The following CDH9 variants were observed in gnomAD, a reference collection of about 807,000 sequenced individuals.
CDH9 encodes cadherin-9.
A neutral mutation model predicts 70.9 loss-of-function variants in CDH9; 28 were observed. The observed-to-expected ratio is 0.40, with a 90% confidence interval of 0.29 to 0.54. The LOEUF (loss-of-function observed/expected upper bound fraction) is 0.54, where lower values mean the gene tolerates loss of function less well. CDH9 is among the 20% of genes least tolerant of loss of function. CDH9 has a pLI of 0.59. For missense variants in CDH9, 874 were observed against 984.4 expected (o/e 0.89, Z 1.50); for synonymous variants, 409 against 343.1 (o/e 1.19, Z -2.12).
At chr5:26,887,745 G>A (rs940818572) in intron 9 of CDH9, among the ~76,000 whole-genome samples, 3 of 152,056 alleles carry the variant, frequency 2.0e-5, no homozygotes, top group African/African-American at 7.2e-5. Context: ...CTAATTCGAT[G>A]ACTGGAGTCC....
intron 2 of CDH9, among the ~76,000 whole-genome samples, chr5:26,954,947 A>G (rs1741919117): frequency 6.6e-6 from 1 of 152,090 alleles, no homozygotes. Context: ...AGGTGGGAGG[A>G]CTGCTTCAGC....
chr5:26,903,956 A>C lies in CDH9; in HGVS notation c.812-132T>G, dbSNP rs940071431. On this transcript the variant is annotated intron_variant, in intron 5 of 11. Transcript: ENST00000231021. ...TTATCATATTGAATTGTAAGCTGTC[A>C]AAATTGTATATTTATTAATTTGGAA... 5.4e-6 allele frequency: 3 copies of C among 556,170 alleles called. No individual in the cohort carries two copies. The African/African-American group carries it at 6.0e-5, about 11-fold the overall frequency. 34.5% of individuals were successfully genotyped at this position (556,170 alleles called of 1,614,324 possible). A position where few individuals can be genotyped will look rare whatever the true frequency, so the allele number is the denominator to read the frequency against.
intron 2 of CDH9, among the ~76,000 whole-genome samples, chr5:26,916,545 A>G (rs780447370): frequency 5.9e-5 from 9 of 152,014 alleles, no homozygotes; most frequent in African/African-American, 2.4e-5. Flanking sequence ...AATAAGTGAT[A>G]AGCAACAATA....
At chr5:26,893,615 G>A (rs557243827) in intron 7 of CDH9, among the ~76,000 whole-genome samples, 2 of 151,996 alleles carry the variant, frequency 1.3e-5, no homozygotes, top group East Asian at 1.9e-4. Context: ...AAGTCCTAAG[G>A]CTATAAAGGA....
At chr5:27,021,670 T>G in intron 1 of CDH9, among the ~76,000 whole-genome samples, 1 of 151,936 alleles carries the variant, frequency 6.6e-6, no homozygotes, top group East Asian at 1.9e-4. Flanking sequence ...ATGCTAATTA[T>G]GTGTGGTTTA....
chr5:26,965,036 C>T (rs1029609609), intron 2 of CDH9, among the ~76,000 whole-genome samples: 2 of 152,084 alleles, frequency 1.3e-5, no homozygotes, highest in Admixed American at 1.3e-4. Flanking sequence ...GTGGTAAAAA[C>T]TTCCAACTAC....
intron 2 of CDH9, among the ~76,000 whole-genome samples, chr5:26,925,607 G>T (rs1741323216): frequency 6.6e-6 from 1 of 152,078 alleles, no homozygotes; most frequent in African/African-American, 2.4e-5. Context: ...TGATGTTTTA[G>T]TCCTGAAGTC....
intron 2 of CDH9, among the ~76,000 whole-genome samples, chr5:26,917,109 A>C (rs1741163623): frequency 1.3e-5 from 2 of 152,044 alleles, no homozygotes; most frequent in South Asian, 4.1e-4. Context: ...CACGATTCTG[A>C]AAATAATTTT....
intron 1 of CDH9, among the ~76,000 whole-genome samples, chr5:27,016,240 C>G (rs1743043919): frequency 6.6e-6 from 1 of 151,692 alleles, no homozygotes; most frequent in Non-Finnish European, 1.5e-5. Context: ...GATATAATGT[C>G]AAGTATAAGT....
intron 1 of CDH9, among the ~76,000 whole-genome samples, chr5:27,009,372 T>A (rs1410771607): frequency 6.6e-6 from 1 of 152,022 alleles, no homozygotes; most frequent in Admixed American, 6.6e-5. Flanking sequence ...GACACAGAGG[T>A]AGTGTAAACA....
rs1378345272 is a variant in CDH9 at position 26,881,547 on chromosome 5, C to T, written c.1959G>A (p.Arg653=). ...CATCGTTGTAGGTCACAATGTTGTCCCGGACATCGTCTTTTGAAATTATCA... is the reference window on the plus strand; with the variant it reads ...CATCGTTGTAGGTCACAATGTTGTCTCGGACATCGTCTTTTGAAATTATCA... ...EPLIISKDDV[R]DNIVTYNDEG... is the part of the protein sequence containing the mutation. The change falls in exon 12 of 12, where the codon CGG becomes CGA. Residue 653 remains arginine (R), a synonymous_variant. Coordinates refer to ENST00000231021, the MANE Select transcript of CDH9 (RefSeq NM_016279.4). 1 of 1,613,594 alleles carries T rather than the reference C, an allele frequency of 6.2e-7. No individual in the cohort carries two copies. The highest frequency in any genetic ancestry group is 1.1e-5 in the South Asian group (1 of 91,078).
At chr5:26,928,594 T>C (rs1023895974) in intron 2 of CDH9, among the ~76,000 whole-genome samples, 3 of 152,060 alleles carry the variant, frequency 2.0e-5, no homozygotes, top group African/African-American at 4.8e-5. Context: ...CTTCAAATTA[T>C]ACCACGGAGT....
At chr5:26,908,874 G>T (rs1278010554) in intron 3 of CDH9, among the ~76,000 whole-genome samples, 1 of 152,134 alleles carries the variant, frequency 6.6e-6, no homozygotes, top group Admixed American at 6.6e-5. Context: ...CTGAGAGACA[G>T]TGTGTTAGAT....
chr5:26,949,717 C>T lies in CDH9; in HGVS notation c.229-33793G>A, dbSNP rs151335292. Among the ~76,000 whole-genome samples, 508 of 152,190 alleles carry T rather than the reference C, an allele frequency of 3.3e-3. 4 individuals carry two copies. Among genetic ancestry groups the T allele is most frequent in the African/African-American group, 0.012 (494 of 41,524 alleles). On this transcript the variant is annotated intron_variant, in intron 2 of 11. Transcript: ENST00000231021. The stretch of plus-strand genomic sequence containing the variant: ...ACTGAGTAGGACTGAAATAACATTC[C>T]TAGAAGGTTGTCAGCATGATGAAAA...
chr5:26,954,497 G>C (rs551201810), intron 2 of CDH9, among the ~76,000 whole-genome samples: 5 of 143,760 alleles, frequency 3.5e-5, no homozygotes, highest in African/African-American at 1.3e-4. Flanking sequence ...CCATTCGCCT[G>C]CCTCAGCCTC....
At chr5:26,908,102 A>G (rs1466211031) in intron 3 of CDH9, among the ~76,000 whole-genome samples, 3 of 152,176 alleles carry the variant, frequency 2.0e-5, no homozygotes, top group Non-Finnish European at 4.4e-5. Context: ...ATTAATTAGC[A>G]TAACAATGAC....
intron 2 of CDH9, among the ~76,000 whole-genome samples, chr5:26,936,767 A>G (rs1741565839): frequency 6.6e-6 from 1 of 152,004 alleles, no homozygotes; most frequent in Non-Finnish European, 1.5e-5. Context: ...ATCTCTCACA[A>G]ACAAGAAAAG....
At chr5:27,017,139 A>G (rs889088357) in intron 1 of CDH9, among the ~76,000 whole-genome samples, 9 of 151,910 alleles carry the variant, frequency 5.9e-5, no homozygotes, top group African/African-American at 2.2e-4. Flanking sequence ...GTACTTTTCA[A>G]AAAATATTAT....
chr5:26,886,885 C>G (rs1018324545), intron 9 of CDH9, among the ~76,000 whole-genome samples: 1 of 152,092 alleles, frequency 6.6e-6, no homozygotes, highest in Non-Finnish European at 1.5e-5. Context: ...GGGTTGCCTC[C>G]CATCTGTGTG....
Sources: allele counts gnomAD v4.1 joint callset (sites outside exome capture counted in the v4.1 genomes callset), GRCh38; gene constraint gnomAD v4.1.1; transcripts MANE v1.5; gene names NCBI Gene and HGNC (gene_info 2026-07-23, HGNC 2026-07-21).